ADGRG6: variants seen among roughly 807,000 people sequenced by gnomAD.
ADGRG6 encodes the protein G-protein coupled receptor 126.
In ADGRG6, 84 loss-of-function variants were observed where a neutral mutation model predicts 142.4. That is an observed-to-expected ratio of 0.59 (90% CI 0.49 to 0.71). The LOEUF (loss-of-function observed/expected upper bound fraction) is 0.71. Among genes scored for constraint, ADGRG6 ranks in the 30% least tolerant of loss-of-function variants. The pLI, the probability that ADGRG6 is intolerant of heterozygous loss-of-function variation, is 0.00. For missense variants in ADGRG6, 1,367 were observed against 1,466.6 expected, an observed-to-expected ratio of 0.93 and a Z score of 1.11; for synonymous variants, 521 against 520.5, an observed-to-expected ratio of 1.00 and a Z score of -0.01.
At chr6:142,314,398 T>C (rs1055287999) in intron 2 of ADGRG6, among the ~76,000 whole-genome samples, 1 of 152,126 alleles carries the variant, frequency 6.6e-6, no homozygotes, top group Non-Finnish European at 1.5e-5. Flanking sequence ...CACGCTTGTC[T>C]CCAGGCATGA....
At chr6:142,411,187 A>G in intron 17 of ADGRG6, 118 bp from the exon 18 acceptor site, 1 of 628,110 alleles carries the variant, frequency 1.6e-6, no homozygotes. Context: ...TATCCATTTT[A>G]CAGATAAACT....
At chr6:142,357,639 T>C (rs1780512966) in intron 2 of ADGRG6, among the ~76,000 whole-genome samples, 1 of 152,166 alleles carries the variant, frequency 6.6e-6, no homozygotes, top group South Asian at 2.1e-4. Flanking sequence ...TTTGGAAAAC[T>C]TGAGCTAACA....
intron 2 of ADGRG6, among the ~76,000 whole-genome samples, chr6:142,324,909 T>G (rs1404837460): frequency 6.6e-6 from 1 of 152,054 alleles, no homozygotes; most frequent in Non-Finnish European, 1.5e-5. Context: ...GTAAAGCCCA[T>G]TATTAGAAGG....
At chr6:142,344,986 A>G (rs1268270608) in intron 2 of ADGRG6, among the ~76,000 whole-genome samples, 2 of 152,044 alleles carry the variant, frequency 1.3e-5, no homozygotes, top group African/African-American at 4.8e-5. Flanking sequence ...ACATAGGATG[A>G]GAGGAATGGG....
At chr6:142,431,977 T>C (rs1048027584) in intron 22 of ADGRG6, among the ~76,000 whole-genome samples, 1 of 151,748 alleles carries the variant, frequency 6.6e-6, no homozygotes, top group Non-Finnish European at 1.5e-5. Flanking sequence ...ATTTTCTTGG[T>C]TGTCAACACA....
chr6:142,304,166 G>A (rs971246804), intron 1 of ADGRG6, among the ~76,000 whole-genome samples: 13 of 152,088 alleles, frequency 8.5e-5, no homozygotes, highest in Admixed American at 2.6e-4. Context: ...TTACTATCTT[G>A]TTGAAAAATG....
At chr6:142,389,254 A>T (rs1309877818) in intron 6 of ADGRG6, among the ~76,000 whole-genome samples, 1 of 150,546 alleles carries the variant, frequency 6.6e-6, no homozygotes, top group Non-Finnish European at 1.5e-5. Context: ...AAACTTTTAC[A>T]TTTTTTTTTC....
At chr6:142,314,971 A>AGTGTGTGTGTGTGTGTGTGTGTGT (rs58848776) in intron 2 of ADGRG6, among the ~76,000 whole-genome samples, 1 of 144,988 alleles carries the variant, frequency 6.9e-6, no homozygotes, top group African/African-American at 2.5e-5. Flanking sequence ...CCAATCATGG[A>AGTGTGTGTGTGTGTGTGTGTGTGT]GTGTGTGTGT....
chr6:142,322,497 TC>T (rs1290218924), intron 2 of ADGRG6, among the ~76,000 whole-genome samples: 1 of 152,146 alleles, frequency 6.6e-6, no homozygotes. Flanking sequence ...ACCTCACCTT[TC>T]TTTAGCCTCT....
intron 4 of ADGRG6, among the ~76,000 whole-genome samples, chr6:142,376,247 A>G (rs2114901567): frequency 6.6e-6 from 1 of 152,314 alleles, no homozygotes; most frequent in African/African-American, 2.4e-5. Flanking sequence ...CAATTTTCAC[A>G]AAGAACAGAC....
chr6:142,381,838 A>C, intron 4 of ADGRG6, 113 bp from the exon 5 acceptor site: 1 of 565,188 alleles, frequency 1.8e-6, no homozygotes, highest in Non-Finnish European at 3.1e-6. Flanking sequence ...GATATCAAAG[A>C]ATTACTGGTG....
chr6:142,409,886 C>T lies in ADGRG6; in HGVS notation c.2401C>T (p.Pro801Ser), dbSNP rs1583110671. 1 of 1,482,116 alleles carries T rather than the reference C, an allele frequency of 6.7e-7. No individual in the cohort carries two copies. The highest frequency in any genetic ancestry group is 9.3e-7 in the Non-Finnish European group (1 of 1,074,060). 91.8% of individuals were successfully genotyped at this position (1,482,116 alleles called of 1,614,324 possible). The change falls in exon 17 of 25, where the codon CCC becomes TCC. Residue 801 changes from proline (P) to serine (S), a missense_variant. By Grantham distance (74) the Pro-to-Ser change is moderately conservative. Around this residue, in one of 3 missense-constraint regions of ADGRG6, gnomAD observed 286 missense variants for 371.4 expected, o/e 0.77. Coordinates refer to ENST00000367609, the MANE Select transcript of ADGRG6 (RefSeq NM_198569.3). Reference protein sequence around the residue: ...KHTRTQEVHHPICAFWDLNKN... With the variant: ...KHTRTQEVHHSICAFWDLNKN... ...TATGTTAATATAGGAAGTGCATCAT[C>T]CCATCTGTGCCTTCTGGGATCTGAA... is the stretch of plus-strand genomic sequence containing the variant.
chr6:142,367,134 T>C (rs912793327), intron 2 of ADGRG6, among the ~76,000 whole-genome samples: 1 of 152,162 alleles, frequency 6.6e-6, no homozygotes, highest in East Asian at 1.9e-4. Context: ...GCACTATCTT[T>C]ATGGTTCTAT....
chr6:142,339,002 A>T (rs1779489160), intron 2 of ADGRG6, among the ~76,000 whole-genome samples: 1 of 152,198 alleles, frequency 6.6e-6, no homozygotes, highest in Non-Finnish European at 1.5e-5. Flanking sequence ...TTAATTCTCT[A>T]AATTAATGTA....
chr6:142,400,540 T>C lies in ADGRG6; in HGVS notation c.1623T>C (p.Pro541=), dbSNP rs112685328. 15 of 1,608,876 alleles carry C rather than the reference T, an allele frequency of 9.3e-6. No individual in the cohort carries two copies. The African/African-American group carries it at 1.3e-4, about 14-fold the overall frequency. The change falls in exon 11 of 25, where the codon CCT becomes CCC. Residue 541 remains proline (P), a synonymous_variant. Transcript: ENST00000367609. ...PKGYYWPSIQ[P]SEYVLPCPDK... ...GCTACTACTGGCCATCTATCCAACC[T>C]TCTGAATACGTTCTTCCTTGTCCAG...
At chr6:142,404,511 G>A (rs1334140147) in intron 14 of ADGRG6, among the ~76,000 whole-genome samples, 1 of 151,996 alleles carries the variant, frequency 6.6e-6, no homozygotes, top group African/African-American at 2.4e-5. Context: ...AGGCATGGTG[G>A]TGCAGGCCTG....
At chr6:142,403,543 A>G (rs1344065717) in intron 13 of ADGRG6, among the ~76,000 whole-genome samples, 1 of 152,126 alleles carries the variant, frequency 6.6e-6, no homozygotes, top group Non-Finnish European at 1.5e-5. Flanking sequence ...TAAATGAAAA[A>G]CAGTATTTGT....
intron 7 of ADGRG6, among the ~76,000 whole-genome samples, chr6:142,391,665 T>G (rs962083869): frequency 6.6e-6 from 1 of 151,818 alleles, no homozygotes; most frequent in Non-Finnish European, 1.5e-5. Flanking sequence ...TTTTTGGGAA[T>G]GCCACATTGA....
At chr6:142,441,062 T>C in intron 24 of ADGRG6, 1 of 574,402 alleles carries the variant, frequency 1.7e-6, no homozygotes. Flanking sequence ...TGGCTTGTTC[T>C]TTTCAGCTAG....
Sources: allele counts gnomAD v4.1 joint callset (sites outside exome capture counted in the v4.1 genomes callset), GRCh38; gene constraint gnomAD v4.1.1; regional missense constraint gnomAD v4.1.1; transcripts MANE v1.5; gene names NCBI Gene and HGNC (gene_info 2026-07-23, HGNC 2026-07-21).